The following IL1RAPL2 variants were observed in gnomAD, a reference collection of about 807,000 sequenced individuals.
IL1RAPL2 encodes the protein interleukin 1 receptor accessory protein like 2, also known as X-linked interleukin-1 receptor accessory protein-like 2.
A neutral mutation model predicts 44.1 loss-of-function variants in IL1RAPL2; 3 were observed. The observed-to-expected ratio is 0.07, with a 90% CI of 0.03 to 0.18. The LOEUF is 0.18. Among genes scored for constraint, IL1RAPL2 ranks in the 10% least tolerant of loss-of-function variants. The pLI is 1.00. For synonymous variants in IL1RAPL2, 181 were observed against 178.8 expected (o/e 1.01, Z -0.10); for missense variants, 391 against 496.4 (o/e 0.79, Z 2.02).
At chrX:104,694,215 G>C (rs962372516) in intron 2 of IL1RAPL2, among the ~76,000 whole-genome samples, 2 of 111,732 alleles carry the variant, frequency 1.8e-5, no homozygotes, top group Non-Finnish European at 3.8e-5. Flanking sequence ...GTAGGAAGTT[G>C]GTGAAATACA....
intron 5 of IL1RAPL2, among the ~76,000 whole-genome samples, chrX:105,357,652 TA>T (rs201017881): frequency 0.061 from 6,501 of 106,915 alleles, 492 homozygotes; most frequent in African/African-American, 0.2. Context: ...GGTAGTTTGC[TA>T]AAAAAAAAAT....
chrX:105,317,661 T>C (rs2034854284), intron 5 of IL1RAPL2, among the ~76,000 whole-genome samples: 1 of 111,482 alleles, frequency 9.0e-6, no homozygotes. Context: ...AGAAATCCTG[T>C]TTGGTGGCCA....
chrX:104,935,485 T>C (rs1401377554), intron 2 of IL1RAPL2, among the ~76,000 whole-genome samples: 1 of 111,998 alleles, frequency 8.9e-6, no homozygotes, highest in African/African-American at 3.2e-5. Flanking sequence ...GTTTACAATA[T>C]TTTTGGCCAG....
intron 2 of IL1RAPL2, among the ~76,000 whole-genome samples, chrX:104,721,223 T>G (rs1048456280): frequency 1.8e-5 from 2 of 111,312 alleles, no homozygotes; most frequent in African/African-American, 3.3e-5. Context: ...CAAAGATACA[T>G]GCATGCGTAT....
chrX:105,326,580 A>T (rs1019409784), intron 5 of IL1RAPL2, among the ~76,000 whole-genome samples: 5 of 111,481 alleles, frequency 4.5e-5, no homozygotes, highest in African/African-American at 1.6e-4. Flanking sequence ...TTGAGTAAAG[A>T]CTTGTGTATG....
chrX:105,299,466 A>G (rs1250587727), intron 5 of IL1RAPL2, among the ~76,000 whole-genome samples: 3 of 111,417 alleles, frequency 2.7e-5, no homozygotes, highest in East Asian at 5.7e-4. Flanking sequence ...TGATTGGTCA[A>G]AGAGTACAGG....
intron 2 of IL1RAPL2, among the ~76,000 whole-genome samples, chrX:104,986,357 G>A (rs779284377): frequency 8.9e-6 from 1 of 112,150 alleles, no homozygotes; most frequent in Admixed American, 9.5e-5. Flanking sequence ...ACAGAGTCTG[G>A]CACACATTAA....
At chrX:105,037,161 A>G (rs2031644292) in intron 2 of IL1RAPL2, among the ~76,000 whole-genome samples, 1 of 111,773 alleles carries the variant, frequency 8.9e-6, no homozygotes, top group Non-Finnish European at 1.9e-5. Flanking sequence ...CTGAGTGGAA[A>G]CTTGGTGGGA....
intron 6 of IL1RAPL2, among the ~76,000 whole-genome samples, chrX:105,596,039 A>G (rs781375500): frequency 5.4e-5 from 6 of 110,441 alleles, no homozygotes; most frequent in Admixed American, 3.9e-4. Flanking sequence ...TCTCTTTTTT[A>G]GTTAGTCTAG....
intron 4 of IL1RAPL2, 67 bp downstream of exon 4, chrX:105,234,071 G>A: frequency 3.3e-6 from 3 of 917,635 alleles, no homozygotes; most frequent in Non-Finnish European, 4.4e-6. Flanking sequence ...ATGAGGAAAG[G>A]GAGATTTTTT....
At chrX:105,078,943 G>A (rs1366006300) in intron 2 of IL1RAPL2, among the ~76,000 whole-genome samples, 2 of 112,242 alleles carry the variant, frequency 1.8e-5, no homozygotes, top group Non-Finnish European at 3.8e-5. Flanking sequence ...CCCTTTCTTT[G>A]ACTAGGAAAG....
At chrX:104,678,272 A>T (rs1930824360) in intron 2 of IL1RAPL2, among the ~76,000 whole-genome samples, 1 of 112,702 alleles carries the variant, frequency 8.9e-6, no homozygotes, top group Non-Finnish European at 1.9e-5. Flanking sequence ...ATGCCTGTGC[A>T]ACAAAATATT....
intron 2 of IL1RAPL2, among the ~76,000 whole-genome samples, chrX:104,760,635 AT>A (rs1429361648): frequency 9.0e-6 from 1 of 111,023 alleles, no homozygotes; most frequent in African/African-American, 3.3e-5. Flanking sequence ...GGATTTTTAG[AT>A]TTTTTTCCTA....
chrX:105,382,563 G>A (rs1412857323), intron 5 of IL1RAPL2, among the ~76,000 whole-genome samples: 6 of 102,741 alleles, frequency 5.8e-5, no homozygotes, highest in Non-Finnish European at 9.7e-5. Flanking sequence ...TCAGTGTGGC[G>A]ATTCCTCAGG....
At chrX:105,167,946 C>T (rs1047567450) in intron 2 of IL1RAPL2, among the ~76,000 whole-genome samples, 2 of 111,523 alleles carry the variant, frequency 1.8e-5, no homozygotes, top group Admixed American at 1.9e-4. Flanking sequence ...ACCTGAAGCA[C>T]AGAGAGGTTA....
chrX:105,338,781 G>A lies in IL1RAPL2; in HGVS notation c.697+71240G>A, dbSNP rs1346146308. On this transcript the variant is annotated intron_variant, in intron 5 of 10. Coordinates refer to ENST00000372582, the MANE Select transcript of IL1RAPL2 (RefSeq NM_017416.2). ...CTCCTCCTACAACTGACCATCTGAA[G>A]CAGTTTAAATATCTGCTCATTTAAA... Among the ~76,000 whole-genome samples the A allele has an allele frequency of 3.6e-5, 4 of 111,304 alleles. No individual in the cohort carries two copies. The East Asian group carries it at 8.5e-4, about 24-fold the overall frequency.
chrX:105,634,678 T>G lies in IL1RAPL2; in HGVS notation c.773-82689T>G, dbSNP rs185317228. 2.6e-3 allele frequency among the ~76,000 whole-genome samples: 292 copies of G among 111,151 alleles called. 1 individual carries two copies. Among genetic ancestry groups the G allele is most frequent in the Non-Finnish European group, 4.5e-3 (240 of 52,825 alleles). ...ATAATAATCCTTACAAAAGTTAGAG[T>G]TGAAAATGCAATAAAAGAGGCAGAA... On this transcript the variant is annotated intron_variant, in intron 6 of 10. Coordinates refer to ENST00000372582, the MANE Select transcript of IL1RAPL2 (RefSeq NM_017416.2).
intron 2 of IL1RAPL2, among the ~76,000 whole-genome samples, chrX:105,020,116 G>T (rs930935315): frequency 2.7e-5 from 3 of 110,765 alleles, no homozygotes; most frequent in African/African-American, 9.9e-5. Context: ...TAGAACTGCA[G>T]GTGTGTGCCA....
chrX:105,489,787 T>TCTCTCTC (rs2036299898), intron 6 of IL1RAPL2, among the ~76,000 whole-genome samples: 16 of 73,384 alleles, frequency 2.2e-4, no homozygotes, highest in Non-Finnish European at 2.8e-4. Flanking sequence ...CTTTCTCTCT[T>TCTCTCTC]TCTCTCTCTC....
Sources: gnomAD v4.1 joint callset for allele counts (sites outside exome capture counted in the v4.1 genomes callset) on GRCh38, gnomAD v4.1.1 for gene constraint, MANE v1.5 for transcripts, NCBI Gene and HGNC (gene_info 2026-07-23, HGNC 2026-07-21) for gene names.